Variants in EXOC6B observed in about 807,000 individuals in gnomAD.
The protein encoded by EXOC6B is SEC15 homolog B.
A neutral mutation model predicts 113.5 loss-of-function variants in EXOC6B; 54 were observed. That is an observed-to-expected ratio of 0.48 (90% CI 0.38 to 0.60). The LOEUF (loss-of-function observed/expected upper bound fraction) is 0.60, where lower values mean the gene tolerates loss of function less well. Among genes scored for constraint, EXOC6B ranks in the 20% least tolerant of loss-of-function variants. The pLI, the probability that EXOC6B is intolerant of heterozygous loss-of-function variation, is 0.00. For missense variants in EXOC6B, 797 were observed against 977.5 expected (o/e 0.82, Z 2.46); for synonymous variants, 357 against 339.0 (o/e 1.05, Z -0.58).
chr2:72,480,727 T>C lies in EXOC6B; in HGVS notation c.1689A>G (p.Thr563=). The C allele has an allele frequency of 1.2e-6, 2 of 1,600,548 alleles. No homozygotes were observed. The highest frequency in any genetic ancestry group is 1.3e-5 in the African/African-American group (1 of 74,858). Residue 563 remains threonine (T), a synonymous_variant, in exon 17 of 22, where the codon ACA becomes ACG. Transcript: ENST00000272427. ...LTELVQIIIN[T]THLEKSCKYL... is the part of the protein sequence containing the mutation. ...ACTTACAGGATTTCTCCAAATGTGTTGTATTGATAATAATCTGAACAAGCT... is the reference window on the plus strand; with the variant it reads ...ACTTACAGGATTTCTCCAAATGTGTCGTATTGATAATAATCTGAACAAGCT...
chr2:72,539,748 G>A (rs1160592827), intron 8 of EXOC6B, among the ~76,000 whole-genome samples: 1 of 128,776 alleles, frequency 7.8e-6, no homozygotes, highest in African/African-American at 2.7e-5. Flanking sequence ...GTGTGTGTGT[G>A]TGCGCGCGCG....
chr2:72,429,207 G>T (rs1035501972), intron 18 of EXOC6B, among the ~76,000 whole-genome samples: 8 of 152,154 alleles, frequency 5.3e-5, no homozygotes, highest in African/African-American at 1.4e-4. Flanking sequence ...GACACTTTTT[G>T]TCAAATGAGC....
chr2:72,678,940 C>T lies in EXOC6B; in HGVS notation c.669+39163G>A, dbSNP rs2104534165. Among the ~76,000 whole-genome samples the T allele has an allele frequency of 2.0e-5, 3 of 152,300 alleles. 1 individual carries two copies. Among genetic ancestry groups the T allele is most frequent in the Admixed American group, 2.0e-4 (3 of 15,300 alleles). On this transcript the variant is annotated intron_variant, in intron 6 of 21. Transcript: ENST00000272427. Reference sequence around the variant, plus strand: ...AAATACCTCAAGATACAATCTCTCTCCTCTAAAGTAAACACACCAACAGGA... The same window carrying T: ...AAATACCTCAAGATACAATCTCTCTTCTCTAAAGTAAACACACCAACAGGA...
intron 8 of EXOC6B, among the ~76,000 whole-genome samples, chr2:72,534,404 A>G (rs1702168449): frequency 6.6e-6 from 1 of 152,150 alleles, no homozygotes; most frequent in African/African-American, 2.4e-5. Context: ...TTATATTGAA[A>G]AAACAGAAGA....
Position 72,388,194 on chromosome 2 carries a change from T to C in EXOC6B, c.1981-8324A>G, listed in dbSNP as rs1573010879. 2.6e-5 allele frequency among the ~76,000 whole-genome samples: 4 copies of C among 152,274 alleles called. No homozygotes were observed. The South Asian group carries it at 8.3e-4, about 32-fold the overall frequency. On this transcript the variant is annotated intron_variant, in intron 18 of 21. Transcript: ENST00000272427. ...TCAATACTACCAAGGTTAAGAAACT[T>C]TGCTCCAACCAGTGCATTAATTGCA... is the stretch of plus-strand genomic sequence containing the variant.
At chr2:72,767,268 A>G (rs1457286513) in intron 1 of EXOC6B, among the ~76,000 whole-genome samples, 2 of 151,902 alleles carry the variant, frequency 1.3e-5, no homozygotes, top group African/African-American at 4.8e-5. Flanking sequence ...CGTCTCTACT[A>G]AAAATACAAA....
At chr2:72,527,289 C>T (rs557234524) in intron 8 of EXOC6B, among the ~76,000 whole-genome samples, 8 of 151,986 alleles carry the variant, frequency 5.3e-5, no homozygotes, top group East Asian at 3.9e-4. Flanking sequence ...TTTAGGAGTA[C>T]GGAAAGGAGT....
intron 21 of EXOC6B, among the ~76,000 whole-genome samples, chr2:72,183,102 A>G (rs1678196662): frequency 6.6e-6 from 1 of 152,256 alleles, no homozygotes; most frequent in Admixed American, 6.5e-5. Flanking sequence ...CATAGTAAGA[A>G]GGATAGACTT....
At chr2:72,260,148 A>G (rs1683625374) in intron 20 of EXOC6B, among the ~76,000 whole-genome samples, 1 of 152,200 alleles carries the variant, frequency 6.6e-6, no homozygotes, top group Non-Finnish European at 1.5e-5. Context: ...CTTCATGTTT[A>G]TATATAATAA....
At chr2:72,802,032 T>G (rs1685306698) in intron 1 of EXOC6B, among the ~76,000 whole-genome samples, 1 of 152,040 alleles carries the variant, frequency 6.6e-6, no homozygotes, top group Non-Finnish European at 1.5e-5. Flanking sequence ...AGATGTAGTA[T>G]AAGAACTTGT....
chr2:72,611,199 T>TA (rs1247472183), intron 6 of EXOC6B, among the ~76,000 whole-genome samples: 4 of 151,628 alleles, frequency 2.6e-5, no homozygotes, highest in Non-Finnish European at 5.9e-5. Context: ...GCGTCTCTAC[T>TA]AAAAAATACA....
chr2:72,342,941 C>T (rs1689117814), intron 19 of EXOC6B, among the ~76,000 whole-genome samples: 1 of 152,068 alleles, frequency 6.6e-6, no homozygotes, highest in South Asian at 2.1e-4. Flanking sequence ...CTAGAGCATT[C>T]ATATTCATAT....
intron 18 of EXOC6B, among the ~76,000 whole-genome samples, chr2:72,409,274 G>GTAAAC (rs947182294): frequency 2.8e-4 from 42 of 152,326 alleles, no homozygotes; most frequent in African/African-American, 9.9e-4. Flanking sequence ...TGGTGGGACT[G>GTAAAC]TAAACTAGTT....
chr2:72,646,597 C>T (rs1169654767), intron 6 of EXOC6B, among the ~76,000 whole-genome samples: 1 of 152,164 alleles, frequency 6.6e-6, no homozygotes, highest in Non-Finnish European at 1.5e-5. Flanking sequence ...AAAAGCTTAT[C>T]CACCACAATC....
intron 18 of EXOC6B, among the ~76,000 whole-genome samples, chr2:72,418,251 G>A (rs1046579009): frequency 1.3e-5 from 2 of 151,902 alleles, no homozygotes; most frequent in African/African-American, 2.4e-5. Context: ...TCATATTCTC[G>A]TACAAACATC....
chr2:72,193,164 G>C (rs1678959782), intron 20 of EXOC6B, among the ~76,000 whole-genome samples: 1 of 152,166 alleles, frequency 6.6e-6, no homozygotes, highest in African/African-American at 2.4e-5. Flanking sequence ...CCAAGGCTGA[G>C]GGTCCTCTGA....
At chr2:72,448,810 C>G (rs1696740091) in intron 18 of EXOC6B, among the ~76,000 whole-genome samples, 1 of 152,140 alleles carries the variant, frequency 6.6e-6, no homozygotes, top group Non-Finnish European at 1.5e-5. Flanking sequence ...AGACAGGAAA[C>G]TAACCACAGA....
At chr2:72,278,062 T>C (rs1684907539) in intron 20 of EXOC6B, among the ~76,000 whole-genome samples, 2 of 152,198 alleles carry the variant, frequency 1.3e-5, no homozygotes, top group African/African-American at 4.8e-5. Flanking sequence ...CAGCCCATAC[T>C]AAGCATTCAA....
At chr2:72,715,682 G>A (rs1679568836) in intron 6 of EXOC6B, among the ~76,000 whole-genome samples, 1 of 151,962 alleles carries the variant, frequency 6.6e-6, no homozygotes, top group Non-Finnish European at 1.5e-5. Context: ...TTTGTCTCTG[G>A]TTCTTCCCTT....
Sources: gnomAD v4.1 joint callset for allele counts (sites outside exome capture counted in the v4.1 genomes callset) on GRCh38, gnomAD v4.1.1 for gene constraint, MANE v1.5 for transcripts, NCBI Gene and HGNC (gene_info 2026-07-23, HGNC 2026-07-21) for gene names.